Variants in CWC27 observed in about 807,000 individuals in gnomAD.
CWC27 encodes CWC27 spliceosome associated cyclophilin.
CWC27 carries 47 observed loss-of-function variants against 63.6 expected under a neutral mutation model. The observed-to-expected ratio is 0.74, with a 90% CI of 0.58 to 0.94. The LOEUF (loss-of-function observed/expected upper bound fraction) is 0.94, where lower values mean the gene tolerates loss of function less well. CWC27 is among the 40% of genes least tolerant of loss of function. The pLI is 0.00. For missense variants in CWC27, 495 were observed against 554.3 expected (o/e 0.89, Z 1.07); for synonymous variants, 175 against 179.8 (o/e 0.97, Z 0.22).
At chr5:64,870,913 A>G (rs974048805) in intron 10 of CWC27, among the ~76,000 whole-genome samples, 2 of 152,118 alleles carry the variant, frequency 1.3e-5, no homozygotes, top group African/African-American at 4.8e-5. Context: ...GTTGTCATGA[A>G]CACCCATTAC....
intron 7 of CWC27, among the ~76,000 whole-genome samples, chr5:64,793,451 C>G (rs1744147677): frequency 6.6e-6 from 1 of 152,054 alleles, no homozygotes; most frequent in Non-Finnish European, 1.5e-5. Flanking sequence ...GAGATAAATT[C>G]TGGAGAGAAT....
At chr5:64,928,343 CACTT>C (rs1748161680) in intron 11 of CWC27, among the ~76,000 whole-genome samples, 3 of 152,162 alleles carry the variant, frequency 2.0e-5, no homozygotes, top group African/African-American at 7.2e-5. Context: ...GTTGAAAACT[CACTT>C]AAGTATACAA....
intron 13 of CWC27, among the ~76,000 whole-genome samples, chr5:65,008,952 A>G (rs750485443): frequency 9.2e-5 from 14 of 152,120 alleles, no homozygotes; most frequent in Middle Eastern, 3.2e-3. Context: ...GTAGTTGTCT[A>G]TGCCCATTTA....
rs1315118526 is a variant in CWC27, at chr5:64,769,131, C to T, written c.-16C>T. ...CTCATCCCCCGTAAGGAGCAGAGTC[C>T]TTTGTACTGACCAAGATGAGCAACA... On this transcript the variant is annotated 5_prime_UTR_variant, in exon 1 of 14. Transcript: ENST00000381070. The T allele has an allele frequency of 6.2e-7, 1 of 1,613,738 alleles. No homozygotes were observed. Among genetic ancestry groups the T allele is most frequent in the Non-Finnish European group, 8.5e-7 (1 of 1,179,778 alleles).
rs137930656 is a variant in CWC27 at position 64,803,580 on chromosome 5, C to T, written c.781-649C>T. On this transcript the variant is annotated intron_variant, in intron 9 of 13. Transcript: ENST00000381070. ...GTTAATCTCATCACCAAGAGGGTAA[C>T]ATTTGAGCAAAGATCTGAAGGAGAT... 3.8e-3 allele frequency among the ~76,000 whole-genome samples: 580 copies of T among 152,184 alleles called. 2 individuals carry two copies. The highest frequency in any genetic ancestry group is 0.013 in the African/African-American group (546 of 41,532).
In CWC27 at chr5:64,948,712, G is replaced by A. The variant is rs1748643513; in HGVS notation, c.1043-22991G>A. On this transcript the variant is annotated intron_variant, in intron 11 of 13. Transcript: ENST00000381070. ...AATTTAGCAGTATTCATAGTTAACA[G>A]GCAGCATTTGTGTTTCAAATGCTAA... is the stretch of plus-strand genomic sequence containing the variant. 3.3e-5 allele frequency among the ~76,000 whole-genome samples: 5 copies of A among 151,978 alleles called. No individual in the cohort carries two copies. In the South Asian group the frequency reaches 1.0e-3, roughly 31 times the overall value.
At chr5:64,865,656 T>A (rs1746514419) in intron 10 of CWC27, among the ~76,000 whole-genome samples, 1 of 151,986 alleles carries the variant, frequency 6.6e-6, no homozygotes, top group Non-Finnish European at 1.5e-5. Context: ...TGGTTTAATT[T>A]TTGGTTTAAG....
intron 11 of CWC27, among the ~76,000 whole-genome samples, chr5:64,950,609 G>A (rs1187450854): frequency 6.6e-6 from 1 of 151,930 alleles, no homozygotes; most frequent in African/African-American, 2.4e-5. Flanking sequence ...GCAAGGTGTG[G>A]TATCTTTTAA....
chr5:64,819,978 C>G (rs747981963), intron 10 of CWC27, among the ~76,000 whole-genome samples: 10 of 152,044 alleles, frequency 6.6e-5, no homozygotes, highest in Admixed American at 1.3e-4. Flanking sequence ...TATAAAAACC[C>G]CTACTAAATA....
At chr5:64,789,396 T>C (rs182573655) in intron 7 of CWC27, among the ~76,000 whole-genome samples, 2 of 152,182 alleles carry the variant, frequency 1.3e-5, no homozygotes, top group East Asian at 1.9e-4. Context: ...ATGTTATTTA[T>C]ATATATTTTG....
rs58675990 is a variant in CWC27 at position 64,772,624 on chromosome 5, C to CA, written c.43-2036dup. 9.0e-3 allele frequency among the ~76,000 whole-genome samples: 471 copies of CA among 52,154 alleles called. 52 individuals are homozygous for CA. The highest frequency in any genetic ancestry group is 0.012 in the Non-Finnish European group (311 of 26,524). The allele number at this position is 52,154 out of a possible 152,430, so 34.2% of individuals were successfully genotyped here. On this transcript the variant is annotated intron_variant, in intron 1 of 13. Coordinates refer to ENST00000381070, the MANE Select transcript of CWC27 (RefSeq NM_005869.4). ...TCTGGGAGACAGTGAGACTCTGTCTCAAAAAAAAAAAAAAAAAAAAAAAAA... is the reference window on the plus strand; with the variant it reads ...TCTGGGAGACAGTGAGACTCTGTCTCAAAAAAAAAAAAAAAAAAAAAAAAAA...
At chr5:64,976,681 C>T (rs1749233272) in intron 12 of CWC27, among the ~76,000 whole-genome samples, 1 of 152,114 alleles carries the variant, frequency 6.6e-6, no homozygotes. Flanking sequence ...TACAGATGCA[C>T]ACCACCACAT....
At chr5:64,808,454 G>A in intron 10 of CWC27, 2 of 570,628 alleles carry the variant, frequency 3.5e-6, no homozygotes, top group Non-Finnish European at 4.4e-6. Flanking sequence ...TTTCTTGAAG[G>A]TAGTGATCAT....
At chr5:64,946,057 A>G (rs1486132605) in intron 11 of CWC27, among the ~76,000 whole-genome samples, 10 of 152,154 alleles carry the variant, frequency 6.6e-5, no homozygotes, top group African/African-American at 2.4e-4. Flanking sequence ...TTTTGCCCAC[A>G]TCATTCCCAT....
chr5:64,913,908 A>G (rs893800754), intron 11 of CWC27, among the ~76,000 whole-genome samples: 2 of 152,146 alleles, frequency 1.3e-5, no homozygotes, highest in African/African-American at 4.8e-5. Context: ...ACAAAAGTCA[A>G]AAATGAGATA....
At chr5:64,892,029 A>G (rs1237975029) in intron 11 of CWC27, among the ~76,000 whole-genome samples, 1 of 152,080 alleles carries the variant, frequency 6.6e-6, no homozygotes, top group Non-Finnish European at 1.5e-5. Flanking sequence ...TCCTGACCTT[A>G]GGTGATCCGG....
In CWC27 at chr5:64,936,749, C is replaced by T. The variant is rs145015051; in HGVS notation, c.1043-34954C>T. Among the ~76,000 whole-genome samples, 830 of 151,856 alleles carry T rather than the reference C, an allele frequency of 5.5e-3. 4 individuals carry two copies. Among genetic ancestry groups the T allele is most frequent in the Middle Eastern group, 0.01 (3 of 294 alleles). Reference sequence around the variant, plus strand: ...GGTCCTGGCCTTTTTTTGGTTGGTACGCTATTAATTACTGCCTTAAATTCA... The same window carrying T: ...GGTCCTGGCCTTTTTTTGGTTGGTATGCTATTAATTACTGCCTTAAATTCA... On this transcript the variant is annotated intron_variant, in intron 11 of 13. Coordinates refer to ENST00000381070, the MANE Select transcript of CWC27 (RefSeq NM_005869.4).
chr5:64,769,065 T>G lies in CWC27; in HGVS notation c.-82T>G. ...CTGCACCACTGGACTTAAGGAAGAGTGTACTCGTAGGCGGACAGCTTTAGT... is the reference window on the plus strand; with the variant it reads ...CTGCACCACTGGACTTAAGGAAGAGGGTACTCGTAGGCGGACAGCTTTAGT... On this transcript the variant is annotated 5_prime_UTR_variant, in exon 1 of 14. Coordinates refer to ENST00000381070, the MANE Select transcript of CWC27 (RefSeq NM_005869.4). The G allele has an allele frequency of 8.9e-7, 1 of 1,126,480 alleles. No individual in the cohort carries two copies. The allele number at this position is 1,126,480 out of a possible 1,614,324, so 69.8% of individuals were successfully genotyped here.
chr5:64,989,232 T>G (rs1478923035), intron 13 of CWC27, among the ~76,000 whole-genome samples: 1 of 152,228 alleles, frequency 6.6e-6, no homozygotes, highest in East Asian at 1.9e-4. Context: ...CAAACCCCTT[T>G]GGAGATTCTC....
Sources: gnomAD v4.1 joint callset for allele counts (sites outside exome capture counted in the v4.1 genomes callset) on GRCh38, gnomAD v4.1.1 for gene constraint, MANE v1.5 for transcripts, NCBI Gene and HGNC (gene_info 2026-07-23, HGNC 2026-07-21) for gene names.